Variants in RABGAP1 observed in about 807,000 individuals in gnomAD.
RABGAP1 encodes rab GTPase-activating protein 1.
RABGAP1 carries 23 observed loss-of-function variants against 137.6 expected under a neutral mutation model. The ratio of observed to expected loss-of-function variants is 0.17; its 90% CI spans 0.12 to 0.24. The LOEUF (loss-of-function observed/expected upper bound fraction) is 0.24, where lower values mean the gene tolerates loss of function less well. Ranked by LOEUF, RABGAP1 falls within the 10% of genes least tolerant of loss-of-function variation. The pLI is 1.00. For missense variants in RABGAP1, 906 were observed against 1,275.8 expected, an observed-to-expected ratio of 0.71 and a Z score of 4.42; for synonymous variants, 451 against 450.7, an observed-to-expected ratio of 1.00 and a Z score of -0.01.
chr9:123,079,762 T>A (rs2034649886), intron 19 of RABGAP1, among the ~76,000 whole-genome samples: 1 of 152,074 alleles, frequency 6.6e-6, no homozygotes. Flanking sequence ...GGCTTCACTG[T>A]CCCCTCATCC....
rs1194368470 is a variant in RABGAP1, at chr9:123,086,373, CAG to C, written c.2425-3384_2425-3383del. Among the ~76,000 whole-genome samples, 15 of 152,282 alleles carry C rather than the reference CAG, an allele frequency of 9.9e-5. No individual in the cohort carries two copies. The East Asian group carries it at 2.9e-3, about 29-fold the overall frequency. ...TTTCTGGGTACTCGCTATACATGAA[CAG>C]GGGACAACAATGAGTGAGAGACAGT... On this transcript the variant is annotated intron_variant, in intron 19 of 25. Transcript: ENST00000373647.
rs539615593 is a variant in RABGAP1, at chr9:122,941,260, T to G, written c.-50+167T>G. On this transcript the variant is annotated intron_variant, in intron 1 of 25. Coordinates refer to ENST00000373647, the MANE Select transcript of RABGAP1 (RefSeq NM_012197.4). ...ACGGGCCGAGTTCTGAGGGGAGCCG[T>G]GATTGGGGGGAGGGGGAACTGCGAC... is the stretch of plus-strand genomic sequence containing the variant. Among the ~76,000 whole-genome samples the G allele has an allele frequency of 1.1e-3, 171 of 150,826 alleles. 1 individual carries two copies. Among genetic ancestry groups the G allele is most frequent in the Non-Finnish European group, 2.1e-3 (145 of 67,570 alleles).
At chr9:122,997,434 T>C (rs1390255917) in intron 9 of RABGAP1, 73 bp downstream of exon 9, 12 of 1,039,838 alleles carry the variant, frequency 1.2e-5, no homozygotes, top group Non-Finnish European at 1.7e-5. Context: ...GGACCCCTTC[T>C]TTGACCAATA....
intron 19 of RABGAP1, among the ~76,000 whole-genome samples, chr9:123,079,464 C>G (rs1335606745): frequency 6.6e-6 from 1 of 152,000 alleles, no homozygotes; most frequent in East Asian, 1.9e-4. Context: ...GTCTCAACTT[C>G]CTGACCTCAA....
rs1182956770 is a variant in RABGAP1 at position 123,010,541 on chromosome 9, G to A, written c.1549+13G>A. On this transcript the variant is annotated intron_variant, in intron 11 of 25. Transcript: ENST00000373647. Reference sequence around the variant, plus strand: ...GATGAAGAGGAAGGTAAACTGTAGGGATAGCTTAATTTATTTTTGGGGGTG... The same window carrying A: ...GATGAAGAGGAAGGTAAACTGTAGGAATAGCTTAATTTATTTTTGGGGGTG... 2.5e-6 allele frequency: 4 copies of A among 1,605,028 alleles called. No individual in the cohort carries two copies. The highest frequency in any genetic ancestry group is 1.1e-5 in the South Asian group (1 of 90,090).
At chr9:123,047,031 A>G (rs1029749178) in intron 13 of RABGAP1, among the ~76,000 whole-genome samples, 15 of 152,234 alleles carry the variant, frequency 9.9e-5, no homozygotes, top group African/African-American at 3.4e-4. Flanking sequence ...TTCCACTAGA[A>G]TAAGTCCAAA....
At chr9:123,035,382 C>A in intron 13 of RABGAP1, 1 of 1,614,130 alleles carries the variant, frequency 6.2e-7, no homozygotes, top group Middle Eastern at 1.7e-4. Flanking sequence ...TCATCTACTT[C>A]TTGTTGGAAA....
intron 13 of RABGAP1, among the ~76,000 whole-genome samples, chr9:123,045,565 C>A (rs1372068690): frequency 6.6e-6 from 1 of 152,104 alleles, no homozygotes; most frequent in Non-Finnish European, 1.5e-5. Flanking sequence ...GATCCTAGTT[C>A]TGGCAGTTAA....
intron 2 of RABGAP1, among the ~76,000 whole-genome samples, chr9:122,964,963 C>T (rs1011421800): frequency 6.6e-6 from 1 of 152,028 alleles, no homozygotes; most frequent in Non-Finnish European, 1.5e-5. Context: ...AACCACTGCA[C>T]CCCTACCTGG....
chr9:122,945,942 G>T (rs1345314279), intron 1 of RABGAP1: 1 of 152,032 alleles, frequency 6.6e-6, no homozygotes, highest in Non-Finnish European at 1.5e-5. Context: ...TCTTTTATCA[G>T]TTAAGGAAAT....
chr9:122,996,441 CT>C, intron 7 of RABGAP1, 97 bp from the exon 8 acceptor site: 1 of 1,240,778 alleles, frequency 8.1e-7, no homozygotes, highest in Non-Finnish European at 1.1e-6. Flanking sequence ...AATGTGTTCT[CT>C]TTTCTATCAG....
intron 25 of RABGAP1, among the ~76,000 whole-genome samples, 187 bp from the exon 26 acceptor site, chr9:123,102,904 T>G (rs2035384996): frequency 6.6e-6 from 1 of 152,208 alleles, no homozygotes; most frequent in African/African-American, 2.4e-5. Context: ...GGCAAGAAAT[T>G]AGATCTTAAC....
intron 10 of RABGAP1, among the ~76,000 whole-genome samples, chr9:123,003,251 G>GTTTTCACAGT: frequency 6.6e-6 from 1 of 152,248 alleles, no homozygotes; most frequent in Middle Eastern, 3.4e-3. Context: ...GATTCAATGA[G>GTTTTCACAGT]GATAAATAGT....
intron 21 of RABGAP1, among the ~76,000 whole-genome samples, chr9:123,091,835 TCCTCC>T (rs1230307761): frequency 6.6e-6 from 1 of 152,156 alleles, no homozygotes; most frequent in Non-Finnish European, 1.5e-5. Context: ...GGGTTGAGTT[TCCTCC>T]TTACGGTGCA....
rs959997474 is a variant in RABGAP1 at position 123,042,979 on chromosome 9, G to T, written c.1795-22369G>T. ...AAGTATAGGGATTTGAGTAGCAGAG[G>T]ACTTTTTGCCACAATAAAGCTAGAA... On this transcript the variant is annotated intron_variant, in intron 13 of 25. Transcript: ENST00000373647. Among the ~76,000 whole-genome samples the T allele has an allele frequency of 2.6e-5, 4 of 152,096 alleles. No individual in the cohort carries two copies. In the East Asian group the frequency reaches 7.7e-4, roughly 29 times the overall value.
At chr9:123,030,366 C>G (rs2032230374) in intron 13 of RABGAP1, among the ~76,000 whole-genome samples, 1 of 152,026 alleles carries the variant, frequency 6.6e-6, no homozygotes. Context: ...TTGGAAAATT[C>G]AGAAAATATA....
At chr9:122,998,467 T>G in intron 9 of RABGAP1, 130 bp from the exon 10 acceptor site, 1 of 734,218 alleles carries the variant, frequency 1.4e-6, no homozygotes, top group Non-Finnish European at 2.2e-6. Context: ...TTATTTTACA[T>G]GTTTAATTGA....
chr9:123,027,108 C>CTTTTTTTTTTTTT (rs71388345), intron 13 of RABGAP1, among the ~76,000 whole-genome samples: 1 of 100,062 alleles, frequency 1.0e-5, no homozygotes, highest in Admixed American at 1.0e-4. Flanking sequence ...TCTTTCTTTT[C>CTTTTTTTTTTTTT]TTTTTTTTTT....
Position 123,070,879 on chromosome 9 carries a change from ACT to A in RABGAP1, c.1983+458_1983+459del, listed in dbSNP as rs534075190. 8.0e-4 allele frequency among the ~76,000 whole-genome samples: 122 copies of A among 152,036 alleles called. No individual in the cohort carries two copies. Among genetic ancestry groups the A allele is most frequent in the African/African-American group, 2.7e-3 (113 of 41,484 alleles). On this transcript the variant is annotated intron_variant, in intron 15 of 25. Transcript: ENST00000373647. The surrounding 1 kb of genome is among the most constrained non-coding windows in gnomAD (Gnocchi z 4.4). Reference sequence around the variant, plus strand: ...TTATTTTCTTTCAAATCCACAGAAAACTCTAAACAGTGTTAAGGTGAACAGTC... The same window carrying A: ...TTATTTTCTTTCAAATCCACAGAAAACTAAACAGTGTTAAGGTGAACAGTC...
Sources: gnomAD v4.1 joint callset for allele counts (sites outside exome capture counted in the v4.1 genomes callset) on GRCh38, gnomAD v4.1.1 for gene constraint, Gnocchi (gnomAD v3.1) non-coding constraint, MANE v1.5 for transcripts, NCBI Gene and HGNC (gene_info 2026-07-23, HGNC 2026-07-21) for gene names.